The following PDZRN4 variants were observed in gnomAD, a reference collection of about 807,000 sequenced individuals.
PDZRN4 encodes the protein PDZ domain-containing RING finger protein 4.
A neutral mutation model predicts 99.0 loss-of-function variants in PDZRN4; 70 were observed. The observed-to-expected ratio is 0.71, with a 90% confidence interval of 0.58 to 0.86. PDZRN4 has a LOEUF of 0.86. Among genes scored for constraint, PDZRN4 ranks in the 40% least tolerant of loss-of-function variants. The pLI, the probability that PDZRN4 is intolerant of heterozygous loss-of-function variation, is 0.00. For synonymous variants in PDZRN4, 551 were observed against 501.6 expected (o/e 1.10, Z -1.32); for missense variants, 1,474 against 1,331.2 (o/e 1.11, Z -1.67).
At chr12:41,521,885 A>G (rs1243583897) in intron 5 of PDZRN4, among the ~76,000 whole-genome samples, 2 of 152,076 alleles carry the variant, frequency 1.3e-5, no homozygotes, top group East Asian at 3.9e-4. Flanking sequence ...AATACATCCT[A>G]CATATTATGT....
chr12:41,327,189 C>T (rs1951715001), intron 3 of PDZRN4, among the ~76,000 whole-genome samples: 1 of 152,064 alleles, frequency 6.6e-6, no homozygotes. Flanking sequence ...ATTGTTCAGG[C>T]CATTATTTTT....
chr12:41,448,610 A>G (rs1036441295), intron 3 of PDZRN4, among the ~76,000 whole-genome samples: 1 of 152,220 alleles, frequency 6.6e-6, no homozygotes, highest in African/African-American at 2.4e-5. Flanking sequence ...GAGTGGGGAC[A>G]TAGTGAAAAC....
intron 3 of PDZRN4, among the ~76,000 whole-genome samples, chr12:41,439,234 G>A (rs1952656781): frequency 6.6e-6 from 1 of 152,086 alleles, no homozygotes; most frequent in Admixed American, 6.6e-5. Context: ...TACACCAGGG[G>A]CAATACCTTT....
intron 3 of PDZRN4, among the ~76,000 whole-genome samples, chr12:41,241,727 TTAAGA>T (rs1210319347): frequency 6.6e-6 from 1 of 152,218 alleles, no homozygotes; most frequent in Non-Finnish European, 1.5e-5. Context: ...CTTGTGTTTC[TTAAGA>T]TAATATTAAA....
At chr12:41,462,901 G>A (rs753879512) in intron 3 of PDZRN4, among the ~76,000 whole-genome samples, 97 of 152,188 alleles carry the variant, frequency 6.4e-4, no homozygotes, top group Non-Finnish European at 8.1e-4. Context: ...AAGGAATTGT[G>A]GTCTGTCCAC....
intron 3 of PDZRN4, among the ~76,000 whole-genome samples, chr12:41,206,852 G>A (rs1330326221): frequency 1.3e-5 from 2 of 151,788 alleles, no homozygotes; most frequent in South Asian, 2.1e-4. Context: ...GTAATTCTGT[G>A]TTTCTTTTGA....
At chr12:41,406,503 C>T (rs1315543440) in intron 3 of PDZRN4, among the ~76,000 whole-genome samples, 6 of 152,152 alleles carry the variant, frequency 3.9e-5, no homozygotes, top group African/African-American at 1.4e-4. Context: ...ATCAATCCAA[C>T]TTATGACTTC....
chr12:41,481,044 G>T (rs1351895359), intron 3 of PDZRN4, among the ~76,000 whole-genome samples: 3 of 151,180 alleles, frequency 2.0e-5, no homozygotes, highest in African/African-American at 7.3e-5. Flanking sequence ...GAATTAAGCT[G>T]CACATGAGGA....
intron 3 of PDZRN4, among the ~76,000 whole-genome samples, chr12:41,427,342 A>G (rs567443266): frequency 6.6e-6 from 1 of 152,298 alleles, no homozygotes; most frequent in East Asian, 1.9e-4. Flanking sequence ...ATATTAACTA[A>G]TATTTATTGA....
intron 3 of PDZRN4, among the ~76,000 whole-genome samples, chr12:41,398,107 G>A (rs964745093): frequency 1.3e-5 from 2 of 152,044 alleles, no homozygotes; most frequent in Non-Finnish European, 1.5e-5. Flanking sequence ...ATATGTTCTG[G>A]AAATTTTGCC....
chr12:41,452,940 C>A (rs544329117), intron 3 of PDZRN4, among the ~76,000 whole-genome samples: 2 of 152,048 alleles, frequency 1.3e-5, no homozygotes, highest in African/African-American at 4.8e-5. Context: ...GTCCCAGGAA[C>A]AACACCTGGG....
intron 3 of PDZRN4, among the ~76,000 whole-genome samples, chr12:41,494,649 C>T (rs1592083890): frequency 6.6e-6 from 1 of 151,886 alleles, no homozygotes; most frequent in African/African-American, 2.4e-5. Context: ...TATTTCTTTT[C>T]TAAATCAATT....
At chr12:41,292,314 T>C (rs929090571) in intron 3 of PDZRN4, among the ~76,000 whole-genome samples, 4 of 152,150 alleles carry the variant, frequency 2.6e-5, no homozygotes, top group African/African-American at 9.7e-5. Context: ...ATCTTGGCCT[T>C]CTAAGGATCA....
intron 5 of PDZRN4, among the ~76,000 whole-genome samples, chr12:41,527,702 C>G (rs916504225): frequency 1.3e-5 from 2 of 152,200 alleles, no homozygotes; most frequent in African/African-American, 4.8e-5. Context: ...TGACATTCAG[C>G]ACAATGTGTC....
At chr12:41,350,726 G>A (rs1022329129) in intron 3 of PDZRN4, among the ~76,000 whole-genome samples, 3 of 152,088 alleles carry the variant, frequency 2.0e-5, no homozygotes, top group South Asian at 2.1e-4. Context: ...AGTAATAGTA[G>A]CTTAGAAAGT....
chr12:41,544,791 G>A (rs1938918267), intron 5 of PDZRN4, among the ~76,000 whole-genome samples: 2 of 152,168 alleles, frequency 1.3e-5, no homozygotes, highest in South Asian at 4.1e-4. Flanking sequence ...CAATTAAGCT[G>A]AGAGCTGAAA....
At chr12:41,471,290 T>G (rs913594451) in intron 3 of PDZRN4, among the ~76,000 whole-genome samples, 1 of 152,222 alleles carries the variant, frequency 6.6e-6, no homozygotes, top group African/African-American at 2.4e-5. Flanking sequence ...TTTATGTTTA[T>G]TGGTTTATTT....
chr12:41,351,891 T>C (rs1392781924), intron 3 of PDZRN4, among the ~76,000 whole-genome samples: 1 of 151,804 alleles, frequency 6.6e-6, no homozygotes, highest in Non-Finnish European at 1.5e-5. Flanking sequence ...TTGTCTGTAA[T>C]CCCAGCTACT....
intron 3 of PDZRN4, among the ~76,000 whole-genome samples, chr12:41,227,868 C>A (rs1951004385): frequency 8.8e-6 from 1 of 113,900 alleles, no homozygotes; most frequent in South Asian, 3.4e-4. Flanking sequence ...AGAAAACAAG[C>A]AAAAATCTAC....
Sources: allele counts gnomAD v4.1 joint callset (sites outside exome capture counted in the v4.1 genomes callset), GRCh38; gene constraint gnomAD v4.1.1; transcripts MANE v1.5; gene names NCBI Gene and HGNC (gene_info 2026-07-23, HGNC 2026-07-21).